The following LRIG3 variants were observed in gnomAD, a reference collection of about 807,000 sequenced individuals.
The protein encoded by LRIG3 is leucine rich repeats and immunoglobulin like domains 3.
In LRIG3, 76 loss-of-function variants were observed where a neutral mutation model predicts 114.5. The ratio of observed to expected loss-of-function variants is 0.66; its 90% CI spans 0.55 to 0.80. LRIG3 has a LOEUF of 0.80. Among genes scored for constraint, LRIG3 ranks in the 30% least tolerant of loss-of-function variants. The probability of loss-of-function intolerance (pLI) is 0.00; values close to 1 mark genes in which losing one functional copy is unlikely to be tolerated. For synonymous variants in LRIG3, 512 were observed against 519.8 expected, an observed-to-expected ratio of 0.98 and a Z score of 0.20; for missense variants, 1,239 against 1,382.8, an observed-to-expected ratio of 0.90 and a Z score of 1.65.
intron 15 of LRIG3, among the ~76,000 whole-genome samples, chr12:58,877,046 GCA>G (rs1870945913): frequency 1.3e-5 from 2 of 152,068 alleles, no homozygotes; most frequent in Non-Finnish European, 2.9e-5. Flanking sequence ...ATGCACATAC[GCA>G]CAGACAACAA....
At chr12:58,874,684 T>C (rs1034450625) in intron 16 of LRIG3, 111 bp from the exon 17 acceptor site, 54 of 1,422,108 alleles carry the variant, frequency 3.8e-5, no homozygotes, top group Admixed American at 2.5e-4. Context: ...TAGAACATCA[T>C]ATAGACAAAA....
chr12:58,883,734 G>A lies in LRIG3; in HGVS notation c.1245-143C>T, dbSNP rs553982243. 2.8e-3 allele frequency: 1,325 copies of A among 466,926 alleles called. 4 individuals carry two copies. The highest frequency in any genetic ancestry group is 3.6e-3 in the Non-Finnish European group (963 of 263,858). 28.9% of individuals were successfully genotyped at this position (466,926 alleles called of 1,614,324 possible). A position where few individuals can be genotyped will look rare whatever the true frequency, so the allele number is the denominator to read the frequency against. On this transcript the variant is annotated intron_variant, in intron 10 of 18. Transcript: ENST00000320743. Reference sequence around the variant, plus strand: ...CAAATACATGACTGGGGCAGCCCCAGAAGAATCCACTGCAAAGCTTGTGCT... The same window carrying A: ...CAAATACATGACTGGGGCAGCCCCAAAAGAATCCACTGCAAAGCTTGTGCT...
chr12:58,905,504 T>C (rs1325848884), intron 3 of LRIG3, among the ~76,000 whole-genome samples: 2 of 152,220 alleles, frequency 1.3e-5, no homozygotes, highest in African/African-American at 4.8e-5. Flanking sequence ...ATCTGGTTTG[T>C]ATGTACTGGT....
chr12:58,874,992 C>G (rs899047965), intron 16 of LRIG3, among the ~76,000 whole-genome samples: 10 of 152,210 alleles, frequency 6.6e-5, no homozygotes, highest in African/African-American at 2.4e-4. Context: ...CCAAACAACA[C>G]AGAAATATAC....
intron 1 of LRIG3, among the ~76,000 whole-genome samples, chr12:58,916,197 C>T (rs184711539): frequency 1.3e-5 from 2 of 152,236 alleles, no homozygotes; most frequent in African/African-American, 2.4e-5. Flanking sequence ...ATTCCTCCTA[C>T]AAAAGACCTG....
chr12:58,892,291 G>A (rs1411443864), intron 3 of LRIG3, among the ~76,000 whole-genome samples: 5 of 152,146 alleles, frequency 3.3e-5, no homozygotes, highest in Non-Finnish European at 4.4e-5. Context: ...TCTTTACAAC[G>A]CGAGAAACAA....
At chr12:58,880,379 A>G in intron 13 of LRIG3, 1 of 701,034 alleles carries the variant, frequency 1.4e-6, no homozygotes, top group South Asian at 1.5e-5. Flanking sequence ...CACACTGAGT[A>G]CGGTGTCGTC....
At chr12:58,906,300 G>A (rs1263455408) in intron 3 of LRIG3, among the ~76,000 whole-genome samples, 1 of 152,100 alleles carries the variant, frequency 6.6e-6, no homozygotes, top group Admixed American at 6.5e-5. Flanking sequence ...GCAACTATTT[G>A]CGGTCTACTG....
At position 58,914,001 on chromosome 12, in the gene LRIG3, T is replaced by C; in HGVS notation, c.364A>G (p.Asn122Asp). The change falls in exon 3 of 19, where the codon AAT (asparagine) becomes GAT (aspartate). Residue 122 changes from asparagine to aspartate, a missense_variant. By Grantham distance (23) the Asn-to-Asp change is conservative. Coordinates refer to ENST00000320743, the MANE Select transcript of LRIG3 (RefSeq NM_153377.5). ...ACTTACAAGGAGAGAAGTGTAATATTTGCCGAGACTGGTCCCAGATTTGGA... is the reference window on the plus strand; with the variant it reads ...ACTTACAAGGAGAGAAGTGTAATATCTGCCGAGACTGGTCCCAGATTTGGA... Reference protein sequence around the residue: ...TIPNLGPVSANITLLSLAGNR... With the variant: ...TIPNLGPVSADITLLSLAGNR... The C allele has an allele frequency of 1.2e-6, 2 of 1,612,698 alleles. No homozygotes were observed. The highest frequency in any genetic ancestry group is 1.1e-5 in the South Asian group (1 of 90,636).
rs149056960 is a variant in LRIG3, at chr12:58,895,425, T to C, written c.384-4629A>G. Among the ~76,000 whole-genome samples the C allele has an allele frequency of 5.1e-3, 782 of 152,222 alleles. 10 individuals carry two copies. Among genetic ancestry groups the C allele is most frequent in the African/African-American group, 0.017 (715 of 41,550 alleles). On this transcript the variant is annotated intron_variant, in intron 3 of 18. Transcript: ENST00000320743. Reference sequence around the variant, plus strand: ...TAGCTCAGCAAAGGACAGTAGAGGCTAGTGCTCTAAGCCGAGGCAAAGATT... The same window carrying C: ...TAGCTCAGCAAAGGACAGTAGAGGCCAGTGCTCTAAGCCGAGGCAAAGATT...
intron 3 of LRIG3, among the ~76,000 whole-genome samples, chr12:58,901,211 A>G (rs1421734446): frequency 6.6e-6 from 1 of 152,248 alleles, no homozygotes; most frequent in Non-Finnish European, 1.5e-5. Context: ...AAGCTTACTA[A>G]TAACAGCTGA....
In LRIG3 at chr12:58,920,275, C is replaced by A; in HGVS notation, c.-40G>T. Reference sequence around the variant, plus strand: ...CTAGGTCTCTACCCGAAGCTCCCAGCCGGCGCGCGCTCGGGGCCCGGCACA... The same window carrying A: ...CTAGGTCTCTACCCGAAGCTCCCAGACGGCGCGCGCTCGGGGCCCGGCACA... On this transcript the variant is annotated 5_prime_UTR_variant, in exon 1 of 19. Transcript: ENST00000320743. 7.7e-7 allele frequency: 1 copy of A among 1,298,006 alleles called. No homozygotes were observed. Among genetic ancestry groups the A allele is most frequent in the Non-Finnish European group, 9.8e-7 (1 of 1,023,516 alleles). 80.4% of individuals were successfully genotyped at this position (1,298,006 alleles called of 1,614,324 possible).
chr12:58,892,649 T>G lies in LRIG3; in HGVS notation c.384-1853A>C, dbSNP rs542213951. Among the ~76,000 whole-genome samples the G allele has an allele frequency of 9.2e-5, 14 of 152,322 alleles. No homozygotes were observed. The Middle Eastern group carries it at 0.01, about 111-fold the overall frequency. ...TTCTCTCTATATATCACCCTTAGAA[T>G]GTGTATAAAATCTAACAATATTGAA... On this transcript the variant is annotated intron_variant, in intron 3 of 18. Transcript: ENST00000320743.
intron 3 of LRIG3, among the ~76,000 whole-genome samples, chr12:58,909,817 C>G (rs951534516): frequency 6.6e-5 from 10 of 152,246 alleles, no homozygotes; most frequent in Admixed American, 5.9e-4. Context: ...CACTGTTCTA[C>G]TGACGTGACT....
At chr12:58,893,188 G>C (rs574951222) in intron 3 of LRIG3, among the ~76,000 whole-genome samples, 1 of 152,146 alleles carries the variant, frequency 6.6e-6, no homozygotes, top group South Asian at 2.1e-4. Flanking sequence ...AATAATAAGG[G>C]GACAAAACGG....
rs529151982 is a variant in LRIG3 at position 58,888,598 on chromosome 12, A to C, written c.804-126T>G. ...TTAGATGTTTAGCTTTTGTTATATG[A>C]AGACGTCAGCAAAAAAATACTATAT... On this transcript the variant is annotated intron_variant, in intron 6 of 18. Transcript: ENST00000320743. 6.0e-6 allele frequency: 8 copies of C among 1,335,574 alleles called. No individual in the cohort carries two copies. In the African/African-American group the frequency reaches 1.0e-4, roughly 17 times the overall value. 82.7% of individuals were successfully genotyped at this position (1,335,574 alleles called of 1,614,324 possible).
chr12:58,891,153 T>C (rs150083741), intron 3 of LRIG3, among the ~76,000 whole-genome samples: 1 of 152,198 alleles, frequency 6.6e-6, no homozygotes, highest in African/African-American at 2.4e-5. Context: ...TCTCACTCTG[T>C]CACCCAGGCT....
intron 3 of LRIG3, among the ~76,000 whole-genome samples, chr12:58,900,340 CA>C (rs1365314731): frequency 2.6e-5 from 4 of 151,586 alleles, no homozygotes; most frequent in Non-Finnish European, 5.9e-5. Flanking sequence ...ACAATTTATC[CA>C]TTTGCTTGCA....
chr12:58,918,443 G>A (rs973162910), intron 1 of LRIG3, among the ~76,000 whole-genome samples: 9 of 152,112 alleles, frequency 5.9e-5, no homozygotes, highest in Non-Finnish European at 1.3e-4. Context: ...AAGAAAAAAA[G>A]TACTGCACAC....
Sources: allele counts gnomAD v4.1 joint callset (sites outside exome capture counted in the v4.1 genomes callset), GRCh38; gene constraint gnomAD v4.1.1; transcripts MANE v1.5; gene names NCBI Gene and HGNC (gene_info 2026-07-23, HGNC 2026-07-21).